Variants in FYB1 observed in about 807,000 individuals in gnomAD.
FYB1 encodes FYN binding protein 1, also known as FYN-binding protein 1.
A neutral mutation model predicts 94.1 loss-of-function variants in FYB1; 41 were observed. The observed-to-expected ratio is 0.44, with a 90% CI of 0.34 to 0.57. The LOEUF is 0.57. FYB1 is among the 20% of genes least tolerant of loss of function. The probability of loss-of-function intolerance (pLI) is 0.02; values close to 1 mark genes in which losing one functional copy is unlikely to be tolerated. For missense variants in FYB1, 1,050 were observed against 976.8 expected (o/e 1.07, Z -1.00); for synonymous variants, 367 against 353.2 (o/e 1.04, Z -0.44).
chr5:39,251,203 GATA>G (rs1323113053), intron 1 of FYB1, among the ~76,000 whole-genome samples: 2 of 152,166 alleles, frequency 1.3e-5, no homozygotes, highest in Admixed American at 6.5e-5. Context: ...TGTTTCTTGA[GATA>G]ATAAGAAGTA....
At chr5:39,107,865 T>C (rs1287498150) in intron 18 of FYB1, among the ~76,000 whole-genome samples, 1 of 152,058 alleles carries the variant, frequency 6.6e-6, no homozygotes, top group Non-Finnish European at 1.5e-5. Context: ...TTTGGAACTA[T>C]ATGATGCTTA....
At chr5:39,240,631 C>T (rs1490556494) in intron 1 of FYB1, among the ~76,000 whole-genome samples, 2 of 152,154 alleles carry the variant, frequency 1.3e-5, no homozygotes, top group African/African-American at 2.4e-5. Flanking sequence ...TACCATCTCA[C>T]ACCAGTCAAA....
At chr5:39,227,477 A>G (rs13168523) in intron 1 of FYB1, among the ~76,000 whole-genome samples, 2 of 140,060 alleles carry the variant, frequency 1.4e-5, no homozygotes, top group Non-Finnish European at 2.9e-5. Context: ...AATAATTTAT[A>G]TACACACATA....
At chr5:39,263,751 T>C (rs1438626342) in intron 1 of FYB1, among the ~76,000 whole-genome samples, 3 of 152,136 alleles carry the variant, frequency 2.0e-5, no homozygotes, top group Non-Finnish European at 2.9e-5. Context: ...TTGGATGTAG[T>C]CAAATTTGGG....
intron 2 of FYB1, among the ~76,000 whole-genome samples, chr5:39,185,619 T>TAC (rs1746698614): frequency 7.6e-5 from 11 of 143,828 alleles, no homozygotes; most frequent in African/African-American, 2.7e-4. Context: ...CATATATATA[T>TAC]ATACACACAT....
In FYB1 at chr5:39,143,523, TC is replaced by T. The variant is rs1742373646; in HGVS notation, c.1293-2383del. 2.0e-5 allele frequency among the ~76,000 whole-genome samples: 3 copies of T among 148,058 alleles called. No individual in the cohort carries two copies. In the South Asian group the frequency reaches 6.2e-4, roughly 31 times the overall value. On this transcript the variant is annotated intron_variant, in intron 3 of 18. Transcript: ENST00000512982. ...TCAGAATTACTCCTTCTCTTCCCTA[TC>T]CTGATAGTCCCTTCTCCAACTTTTG... is the stretch of plus-strand genomic sequence containing the variant.
intron 11 of FYB1, among the ~76,000 whole-genome samples, chr5:39,126,509 A>G (rs1011703815): frequency 6.6e-6 from 1 of 151,928 alleles, no homozygotes; most frequent in Non-Finnish European, 1.5e-5. Flanking sequence ...AAGCCTGGGC[A>G]ACATAGCAAA....
chr5:39,161,911 G>T (rs1392779763), intron 2 of FYB1, among the ~76,000 whole-genome samples: 10 of 152,146 alleles, frequency 6.6e-5, no homozygotes, highest in Non-Finnish European at 1.3e-4. Context: ...CTTACAGATT[G>T]GCTTATTCCA....
At chr5:39,174,282 T>C (rs1226022419) in intron 2 of FYB1, among the ~76,000 whole-genome samples, 1 of 152,200 alleles carries the variant, frequency 6.6e-6, no homozygotes, top group Non-Finnish European at 1.5e-5. Flanking sequence ...TGCTACTGAT[T>C]TCTGTACATA....
chr5:39,269,037 T>A (rs1043592224), intron 1 of FYB1, among the ~76,000 whole-genome samples: 1 of 152,104 alleles, frequency 6.6e-6, no homozygotes, highest in Non-Finnish European at 1.5e-5. Context: ...AAGGTCAAGC[T>A]GTTTTCTTTT....
At chr5:39,230,302 C>T (rs575164477) in intron 1 of FYB1, among the ~76,000 whole-genome samples, 140 of 152,118 alleles carry the variant, frequency 9.2e-4, no homozygotes, top group Non-Finnish European at 1.4e-3. Context: ...ACTTGATCAG[C>T]TATTGTTGGC....
At chr5:39,122,594 G>T (rs2150287925) in intron 13 of FYB1, among the ~76,000 whole-genome samples, 192 bp from the exon 14 acceptor site, 1 of 152,160 alleles carries the variant, frequency 6.6e-6, no homozygotes, top group South Asian at 2.1e-4. Flanking sequence ...CAGGATGCAT[G>T]TGTTAAATTA....
At chr5:39,173,493 G>A (rs1745442057) in intron 2 of FYB1, among the ~76,000 whole-genome samples, 1 of 151,902 alleles carries the variant, frequency 6.6e-6, no homozygotes, top group Non-Finnish European at 1.5e-5. Flanking sequence ...GGACTTATGG[G>A]GACTTATCCA....
intron 1 of FYB1, among the ~76,000 whole-genome samples, chr5:39,228,081 G>A (rs1351844103): frequency 3.3e-5 from 5 of 152,124 alleles, no homozygotes; most frequent in African/African-American, 1.2e-4. Context: ...AAGACTCAGA[G>A]GCAAAGGATA....
At chr5:39,115,648 T>A (rs1739495093) in intron 16 of FYB1, among the ~76,000 whole-genome samples, 1 of 152,032 alleles carries the variant, frequency 6.6e-6, no homozygotes, top group African/African-American at 2.4e-5. Context: ...GGTTAAAAAA[T>A]CTTATAGAGG....
chr5:39,195,376 A>T (rs1747740059), intron 2 of FYB1, among the ~76,000 whole-genome samples: 1 of 152,210 alleles, frequency 6.6e-6, no homozygotes, highest in African/African-American at 2.4e-5. Context: ...ATGTTAAGAG[A>T]GTACACATAA....
intron 3 of FYB1, among the ~76,000 whole-genome samples, chr5:39,142,882 T>C (rs1189869397): frequency 6.6e-6 from 1 of 152,202 alleles, no homozygotes; most frequent in Non-Finnish European, 1.5e-5. Flanking sequence ...TTTTGCCCTC[T>C]TTGAGTCTCC....
intron 1 of FYB1, among the ~76,000 whole-genome samples, chr5:39,242,624 G>C (rs1751265269): frequency 6.6e-6 from 1 of 152,092 alleles, no homozygotes; most frequent in African/African-American, 2.4e-5. Flanking sequence ...CTTTATAGTA[G>C]CATGATTTAT....
chr5:39,193,155 G>A (rs1747519818), intron 2 of FYB1, among the ~76,000 whole-genome samples: 1 of 152,188 alleles, frequency 6.6e-6, no homozygotes, highest in Non-Finnish European at 1.5e-5. Context: ...GGACACCTGA[G>A]TGTCCTTGAC....
Sources: allele counts gnomAD v4.1 joint callset (sites outside exome capture counted in the v4.1 genomes callset), GRCh38; gene constraint gnomAD v4.1.1; transcripts MANE v1.5; gene names NCBI Gene and HGNC (gene_info 2026-07-23, HGNC 2026-07-21).